Variants in ENPP5 observed in about 807,000 individuals in gnomAD.
ENPP5 encodes the protein ectonucleotide pyrophosphatase/phosphodiesterase family member 5, also known as E-NPP 5.
A neutral mutation model predicts 33.7 loss-of-function variants in ENPP5; 27 were observed. The observed-to-expected ratio is 0.80, with a 90% confidence interval of 0.59 to 1.11. The LOEUF (loss-of-function observed/expected upper bound fraction) is 1.11, where lower values mean the gene tolerates loss of function less well. Among genes scored for constraint, ENPP5 ranks in the 50% least tolerant of loss-of-function variants. ENPP5 has a pLI of 0.00. For synonymous variants in ENPP5, 199 were observed against 200.5 expected, an observed-to-expected ratio of 0.99 and a Z score of 0.06; for missense variants, 552 against 579.2, an observed-to-expected ratio of 0.95 and a Z score of 0.48.
At chr6:46,162,528 C>T (rs1764422957) in intron 4 of ENPP5, among the ~76,000 whole-genome samples, 2 of 152,076 alleles carry the variant, frequency 1.3e-5, no homozygotes, top group African/African-American at 4.8e-5. Flanking sequence ...TAAGATGGCA[C>T]CCAAGCAAAA....
At chr6:46,165,320 G>T (rs1483922645) in intron 4 of ENPP5, 67 bp downstream of exon 4, 2 of 1,174,718 alleles carry the variant, frequency 1.7e-6, no homozygotes, top group African/African-American at 3.1e-5. Flanking sequence ...GCTGTATTAT[G>T]TATTTAAACT....
chr6:46,163,405 C>T (rs1195548192), intron 4 of ENPP5, among the ~76,000 whole-genome samples: 1 of 136,594 alleles, frequency 7.3e-6, no homozygotes, highest in Admixed American at 8.0e-5. Flanking sequence ...TGTGATATTC[C>T]CCTTCCTGTG....
rs772962001 is a variant in ENPP5 at position 46,167,648 on chromosome 6, C to A, written c.615G>T (p.Gly205=). Residue 205 remains glycine, a synonymous_variant, in exon 3 of 5, where the codon GGG becomes GGT. Transcript: ENST00000371383. ...TCTTGTCAATATCTGAAATGACAGG[C>A]CCCATGAGCGGACTGTCAGGTCCCA... is the stretch of plus-strand genomic sequence containing the variant. ...HHLGPDSPLM[G]PVISDIDKKL... 2 of 1,614,146 alleles carry A rather than the reference C, an allele frequency of 1.2e-6. No homozygotes were observed. The highest frequency in any genetic ancestry group is 1.7e-6 in the Non-Finnish European group (2 of 1,179,976).
At position 46,161,648 on chromosome 6, in the gene ENPP5, GT is replaced by G; in HGVS notation, c.1111del (p.Thr371GlnfsTer65). ...KNFSKEAMNS[T>X]DLYPLLCHLL... is the part of the protein sequence containing the mutation. ...GTGGCATAGTAGTGGGTACAAATCT[GT>G]GGAGTTCATGGCTTCTTTTGAGAAA... On this transcript the variant is annotated frameshift_variant, in exon 5 of 5. Transcript: ENST00000371383. LOFTEE classifies it high-confidence loss of function. 6.2e-7 allele frequency: 1 copy of G among 1,613,786 alleles called. No homozygotes were observed. Among genetic ancestry groups the G allele is most frequent in the Non-Finnish European group, 8.5e-7 (1 of 1,179,662 alleles).
At chr6:46,162,666 A>C (rs1581967135) in intron 4 of ENPP5, among the ~76,000 whole-genome samples, 3 of 152,182 alleles carry the variant, frequency 2.0e-5, no homozygotes, top group African/African-American at 4.8e-5. Context: ...AAAATCCTAA[A>C]TCAGTTTTTC....
Position 46,161,648 on chromosome 6 carries a change from G to A in ENPP5, c.1112C>T (p.Thr371Ile), listed in dbSNP as rs749282441. The change falls in exon 5 of 5, where the codon ACA (threonine) becomes ATA (isoleucine). Residue 371 changes from threonine to isoleucine, a missense_variant. By Grantham distance (89) the Thr-to-Ile change is moderately conservative (BLOSUM62 -1). Coordinates refer to ENST00000371383, the MANE Select transcript of ENPP5 (RefSeq NM_001290072.2). ...KNFSKEAMNS[T>I]DLYPLLCHLL... Reference sequence around the variant, plus strand: ...GTGGCATAGTAGTGGGTACAAATCTGTGGAGTTCATGGCTTCTTTTGAGAA... The same window carrying A: ...GTGGCATAGTAGTGGGTACAAATCTATGGAGTTCATGGCTTCTTTTGAGAA... The A allele has an allele frequency of 3.1e-6, 5 of 1,613,668 alleles. No individual in the cohort carries two copies. Among genetic ancestry groups the A allele is most frequent in the East Asian group, 4.5e-5 (2 of 44,890 alleles).
At chr6:46,165,154 A>G (rs898735095) in intron 4 of ENPP5, 10 of 391,486 alleles carry the variant, frequency 2.6e-5, no homozygotes, top group Non-Finnish European at 3.6e-5. Context: ...ATCAATAAAC[A>G]TGATAGAAAC....
Position 46,167,570 on chromosome 6 carries a change from CAG to C in ENPP5, c.691_692del (p.Leu231GlufsTer7). On this transcript the variant is annotated frameshift_variant, in exon 3 of 5. Transcript: ENST00000371383. LOFTEE classifies it high-confidence loss of function. ...CATGATCACTTGTGATGATTAGGTT[CAG>C]AGTGTTCCACAACTTTGCCTTTTTC... The part of the protein sequence containing the change: ...MLKKAKLWNT[L>X]NLIITSDHGM... 6.2e-7 allele frequency: 1 copy of C among 1,614,168 alleles called. No homozygotes were observed. Among genetic ancestry groups the C allele is most frequent in the Non-Finnish European group, 8.5e-7 (1 of 1,180,024 alleles).
At position 46,167,920 on chromosome 6, in the gene ENPP5, T is replaced by C. The variant is rs765390314; in HGVS notation, c.343A>G (p.Lys115Glu). ...SLDHMNIYDSKFWEEATPIWI... is the reference protein window; with the variant it reads ...SLDHMNIYDSEFWEEATPIWI... ...ATTGGTGTCGCTTCTTCCCAAAACT[T>C]GGAATCATAAATATTCATGTGATCC... The change falls in exon 3 of 5, where the codon AAG becomes GAG. Residue 115 changes from lysine to glutamate, a missense_variant. Transcript: ENST00000371383. 1.2e-6 allele frequency: 2 copies of C among 1,614,190 alleles called. No homozygotes were observed. Among genetic ancestry groups the C allele is most frequent in the Admixed American group, 1.7e-5 (1 of 60,016 alleles).
chr6:46,164,576 GC>G (rs1462578941), intron 4 of ENPP5, among the ~76,000 whole-genome samples: 1 of 152,010 alleles, frequency 6.6e-6, no homozygotes, highest in Non-Finnish European at 1.5e-5. Context: ...TTTCTAGAGG[GC>G]CCTTTGAATT....
Position 46,167,863 on chromosome 6 carries a change from T to C in ENPP5, c.400A>G (p.Ser134Gly). Residue 134 changes from serine to glycine, a missense_variant, in exon 3 of 5, where the codon AGT becomes GGT. By Grantham distance (56) the Ser-to-Gly change is moderately conservative (BLOSUM62 0). Transcript: ENST00000371383. ...WITNQRAGHT[S>G]GAAMWPGTDV... ...GTTCCGGGCCACATGGCTGCACCAC[T>C]AGTATGTCCTGCCCTCTGGTTTGTG... 1 of 1,614,220 alleles carries C rather than the reference T, an allele frequency of 6.2e-7. No homozygotes were observed. Among genetic ancestry groups the C allele is most frequent in the Non-Finnish European group, 8.5e-7 (1 of 1,180,052 alleles).
intron 4 of ENPP5, among the ~76,000 whole-genome samples, chr6:46,162,646 C>A (rs747235374): frequency 3.9e-5 from 6 of 152,112 alleles, no homozygotes; most frequent in Non-Finnish European, 8.8e-5. Flanking sequence ...CCTGCCCCAT[C>A]CACCTCGAAA....
In ENPP5 at chr6:46,168,034, A is replaced by T. The variant is rs1764608582; in HGVS notation, c.229T>A (p.Tyr77Asn). 1 of 1,614,156 alleles carries T rather than the reference A, an allele frequency of 6.2e-7. No homozygotes were observed. The highest frequency in any genetic ancestry group is 1.7e-5 in the Admixed American group (1 of 60,028). The change falls in exon 3 of 5, where the codon TAT (tyrosine) becomes AAT (asparagine). Residue 77 changes from tyrosine to asparagine, a missense_variant. Tyr to Asn is a moderately radical substitution (Grantham distance 143, BLOSUM62 -2). Transcript: ENST00000371383. ...GCAAAGAGGCCAGTTACCAAAGTAT[A>T]ATGGTTAGGGTAGGTTTTTGTAATA... ...VFITKTYPNH[Y>N]TLVTGLFAEN... is the part of the protein sequence containing the mutation.
rs775250230 is a variant in ENPP5, at chr6:46,167,876, C to T, written c.387G>A (p.Arg129=). 2 of 1,614,136 alleles carry T rather than the reference C, an allele frequency of 1.2e-6. No homozygotes were observed. Among genetic ancestry groups the T allele is most frequent in the South Asian group, 2.2e-5 (2 of 91,082 alleles). Residue 129 remains arginine (R), a synonymous_variant, in exon 3 of 5, where the codon AGG becomes AGA. Coordinates refer to ENST00000371383, the MANE Select transcript of ENPP5 (RefSeq NM_001290072.2). The part of the protein sequence containing the change: ...EATPIWITNQ[R]AGHTSGAAMW... ...TGGCTGCACCACTAGTATGTCCTGC[C>T]CTCTGGTTTGTGATCCATATTGGTG...
At position 46,161,104 on chromosome 6, in the gene ENPP5, G is replaced by A. The variant is rs575125750; in HGVS notation, c.*222C>T. 9.4e-6 allele frequency: 5 copies of A among 529,710 alleles called. No homozygotes were observed. Among genetic ancestry groups the A allele is most frequent in the Non-Finnish European group, 1.7e-5 (5 of 294,252 alleles). The allele number at this position is 529,710 out of a possible 1,614,324, so 32.8% of individuals were successfully genotyped here. A position where few individuals can be genotyped will look rare whatever the true frequency, so the allele number is the denominator to read the frequency against. ...ATCTTATCTATCCCTATGCTACAGT[G>A]AACAATGGAGACATACTCTCACATC... On this transcript the variant is annotated 3_prime_UTR_variant, in exon 5 of 5. Transcript: ENST00000371383.
In ENPP5 at chr6:46,161,601, G is replaced by T. The variant is rs754391017; in HGVS notation, c.1159C>A (p.Pro387Thr). Residue 387 changes from proline (P) to threonine (T), a missense_variant, in exon 5 of 5, where the codon CCA (proline) becomes ACA (threonine). Pro to Thr is a conservative substitution (Grantham distance 38, BLOSUM62 -1). Transcript: ENST00000371383. ...ACATTCCAGAATGATCCATTGTGTG[G>T]CATGGCGGTGATATTGAGGAGGTGG... Reference protein sequence around the residue: ...LCHLLNITAMPHNGSFWNVQD... With the variant: ...LCHLLNITAMTHNGSFWNVQD... 2 of 1,614,036 alleles carry T rather than the reference G, an allele frequency of 1.2e-6. No homozygotes were observed. The highest frequency in any genetic ancestry group is 1.7e-6 in the Non-Finnish European group (2 of 1,179,930).
Position 46,168,114 on chromosome 6 carries a change from T to C in ENPP5, c.149A>G (p.His50Arg). The change falls in exon 3 of 5, where the codon CAT becomes CGT. Residue 50 changes from histidine (H) to arginine (R), a missense_variant. By Grantham distance (29) the His-to-Arg change is conservative (BLOSUM62 0). Coordinates refer to ENST00000371383, the MANE Select transcript of ENPP5 (RefSeq NM_001290072.2). ...WDYLYKVPTP[H>R]FHYIMKYGVH... ...ACCATATTTCATAATATAATGAAAA[T>C]GGGGCGTTGGAACTTTATATAAGTA... The C allele has an allele frequency of 1.9e-6, 3 of 1,613,814 alleles. No individual in the cohort carries two copies. The highest frequency in any genetic ancestry group is 3.3e-4 in the Middle Eastern group (2 of 6,062).
In ENPP5 at chr6:46,161,492, G is replaced by A. The variant is rs1280652974; in HGVS notation, c.1268C>T (p.Ala423Val). The A allele has an allele frequency of 2.5e-6, 4 of 1,613,902 alleles. No homozygotes were observed. The highest frequency in any genetic ancestry group is 2.2e-5 in the East Asian group (1 of 44,886). ...TILLPGSVKP[A>V]EYDQEGSYPY... Reference sequence around the variant, plus strand: ...GTATGACCCCTCTTGGTCATATTCTGCTGGTTTAACACTACCAGGGAGGAG... The same window carrying A: ...GTATGACCCCTCTTGGTCATATTCTACTGGTTTAACACTACCAGGGAGGAG... The change falls in exon 5 of 5, where the codon GCA becomes GTA. Residue 423 changes from alanine to valine, a missense_variant. Ala to Val is a moderately conservative substitution (Grantham distance 64). Transcript: ENST00000371383.
Position 46,168,219 on chromosome 6 carries a change from A to G in ENPP5, c.44T>C (p.Leu15Pro), listed in dbSNP as rs372747904. The change falls in exon 3 of 5, where the codon CTG (leucine) becomes CCG (proline). Residue 15 changes from leucine (L) to proline (P), a missense_variant. Transcript: ENST00000371383. ...FLLVSFILAA[L>P]SLSTTFSLQP... ...GAGAGAAAAGGTGGTTGAAAGACTC[A>G]GTGCAGCAAGTATGAAGGACACCAA... The G allele has an allele frequency of 1.1e-4, 177 of 1,606,790 alleles. No homozygotes were observed. The highest frequency in any genetic ancestry group is 8.3e-4 in the Middle Eastern group (5 of 6,024).
Sources: allele counts gnomAD v4.1 joint callset (sites outside exome capture counted in the v4.1 genomes callset), GRCh38; gene constraint gnomAD v4.1.1; transcripts MANE v1.5; gene names NCBI Gene and HGNC (gene_info 2026-07-23, HGNC 2026-07-21).